LAMA2: variants seen among roughly 807,000 people sequenced by gnomAD.
LAMA2 encodes the protein laminin subunit alpha 2.
Under a neutral mutation model 364.8 loss-of-function variants are expected in LAMA2, and 269 were observed. The observed-to-expected ratio is 0.74, with a 90% confidence interval of 0.67 to 0.82. LAMA2 has a LOEUF of 0.82. Among genes scored for constraint, LAMA2 ranks in the 40% least tolerant of loss-of-function variants. The pLI, the probability that LAMA2 is intolerant of heterozygous loss-of-function variation, is 0.00. For synonymous variants in LAMA2, 1,379 were observed against 1,370.6 expected (o/e 1.01, Z -0.14); for missense variants, 3,807 against 3,873.2 (o/e 0.98, Z 0.45).
At chr6:129,078,112 A>G (rs1773775696) in intron 3 of LAMA2, among the ~76,000 whole-genome samples, 1 of 146,158 alleles carries the variant, frequency 6.8e-6, no homozygotes, top group African/African-American at 2.5e-5. Context: ...GGGGGCAGTG[A>G]GCGTATGGGA....
intron 56 of LAMA2, among the ~76,000 whole-genome samples, chr6:129,487,012 C>A (rs1784622419): frequency 6.6e-6 from 1 of 152,228 alleles, no homozygotes; most frequent in Admixed American, 6.5e-5. Context: ...CTATCTCATT[C>A]AGGTTCCAAA....
chr6:129,280,122 G>A lies in LAMA2; in HGVS notation c.2512G>A (p.Gly838Arg), dbSNP rs150361703. 80 of 1,611,520 alleles carry A rather than the reference G, an allele frequency of 5.0e-5. No homozygotes were observed. In the Middle Eastern group the frequency reaches 9.9e-4, roughly 20 times the overall value. ...ATTGATCTGTGATGGATGCCCTGTC[G>A]GGTACACAGGACCACGCTGTGAGAG... ...LGLICDGCPV[G>R]YTGPRCERCA... is the part of the protein sequence containing the mutation. The change falls in exon 18 of 65, where the codon GGG becomes AGG. Residue 838 changes from glycine to arginine, a missense_variant. By Grantham distance (125) the Gly-to-Arg change is moderately radical. Transcript: ENST00000421865.
intron 10 of LAMA2, among the ~76,000 whole-genome samples, chr6:129,182,896 G>A (rs1361940906): frequency 6.6e-6 from 1 of 151,668 alleles, no homozygotes; most frequent in African/African-American, 2.4e-5. Flanking sequence ...CTTTTTGAAT[G>A]TCTTAATATA....
chr6:128,943,067 A>G (rs1780257425), intron 1 of LAMA2, among the ~76,000 whole-genome samples: 1 of 152,090 alleles, frequency 6.6e-6, no homozygotes, highest in African/African-American at 2.4e-5. Context: ...ATTTTTTAAG[A>G]CATATAGGTT....
At chr6:129,349,483 T>A in intron 31 of LAMA2, 99 bp downstream of exon 31, 1 of 953,740 alleles carries the variant, frequency 1.0e-6, no homozygotes, top group Non-Finnish European at 1.7e-6. Context: ...AACTTCAATA[T>A]TTGCATATCC....
intron 1 of LAMA2, among the ~76,000 whole-genome samples, chr6:128,940,953 C>T (rs1049695998): frequency 5.3e-5 from 8 of 151,926 alleles, no homozygotes; most frequent in Non-Finnish European, 1.2e-4. Flanking sequence ...CCTGTCCCCC[C>T]CAAAATTTTT....
intron 1 of LAMA2, among the ~76,000 whole-genome samples, chr6:128,945,264 A>T (rs1051485218): frequency 2.0e-5 from 3 of 152,178 alleles, no homozygotes; most frequent in African/African-American, 7.2e-5. Flanking sequence ...TCTGTTAAAA[A>T]TTTTTAAAAC....
At chr6:129,327,798 A>C (rs1468837275) in intron 28 of LAMA2, among the ~76,000 whole-genome samples, 1 of 152,084 alleles carries the variant, frequency 6.6e-6, no homozygotes, top group Admixed American at 6.6e-5. Flanking sequence ...ATTATTTTGG[A>C]TTTCTTACTT....
At chr6:129,331,148 C>A (rs540368930) in intron 29 of LAMA2, among the ~76,000 whole-genome samples, 1 of 152,144 alleles carries the variant, frequency 6.6e-6, no homozygotes, top group African/African-American at 2.4e-5. Context: ...AGTGCTGGGA[C>A]TACAGGCGTA....
intron 63 of LAMA2, among the ~76,000 whole-genome samples, chr6:129,512,907 T>A (rs1786717046): frequency 6.6e-6 from 1 of 152,164 alleles, no homozygotes; most frequent in Non-Finnish European, 1.5e-5. Flanking sequence ...AGGCATCTCT[T>A]AGAAGCCAAG....
chr6:128,961,121 G>A lies in LAMA2; in HGVS notation c.112+77764G>A, dbSNP rs373734240. Among the ~76,000 whole-genome samples, 18 of 151,390 alleles carry A rather than the reference G, an allele frequency of 1.2e-4. 1 individual carries two copies. The South Asian group carries it at 3.3e-3, about 28-fold the overall frequency. Reference sequence around the variant, plus strand: ...GGTATTTTCCAATCTTTGTCTGCTAGCATTTTTGTTGAGAACGGAGTATGA... The same window carrying A: ...GGTATTTTCCAATCTTTGTCTGCTAACATTTTTGTTGAGAACGGAGTATGA... On this transcript the variant is annotated intron_variant, in intron 1 of 64. Transcript: ENST00000421865.
At chr6:129,511,190 A>AAAAC (rs1478655251) in intron 62 of LAMA2, among the ~76,000 whole-genome samples, 4 of 152,160 alleles carry the variant, frequency 2.6e-5, no homozygotes, top group Non-Finnish European at 5.9e-5. Context: ...ACTTCACTGG[A>AAAAC]AAACATACAA....
At chr6:129,445,899 G>C (rs1473902805) in intron 45 of LAMA2, 78 bp downstream of exon 45, 1 of 1,400,596 alleles carries the variant, frequency 7.1e-7, no homozygotes, top group East Asian at 2.3e-5. Context: ...CTTTCCCCAG[G>C]ATTCCCCGTT....
chr6:129,115,204 A>C (rs955126570), intron 4 of LAMA2, among the ~76,000 whole-genome samples: 5 of 152,142 alleles, frequency 3.3e-5, no homozygotes, highest in African/African-American at 1.2e-4. Flanking sequence ...CCAATTTTGC[A>C]ACTCTATTTT....
chr6:129,037,688 CGG>C (rs1786743699), intron 1 of LAMA2, among the ~76,000 whole-genome samples: 1 of 141,404 alleles, frequency 7.1e-6, no homozygotes, highest in African/African-American at 2.7e-5. Context: ...TTTTTTGAGA[CGG>C]AGTCTCGCTC....
chr6:129,120,881 G>A (rs996417250), intron 4 of LAMA2, among the ~76,000 whole-genome samples: 1 of 152,182 alleles, frequency 6.6e-6, no homozygotes, highest in Non-Finnish European at 1.5e-5. Flanking sequence ...TGTGTCTAAT[G>A]TCTTCTTCAT....
intron 22 of LAMA2, among the ~76,000 whole-genome samples, chr6:129,303,201 T>C (rs765009577): frequency 2.6e-5 from 4 of 152,178 alleles, no homozygotes; most frequent in Non-Finnish European, 4.4e-5. Context: ...TTTCATATTT[T>C]TTATCAAAAG....
chr6:129,107,252 A>G (rs1775885810), intron 4 of LAMA2, among the ~76,000 whole-genome samples: 1 of 152,182 alleles, frequency 6.6e-6, no homozygotes. Flanking sequence ...TGGTTATAAT[A>G]ACGATCAAAT....
intron 1 of LAMA2, among the ~76,000 whole-genome samples, chr6:128,943,227 G>A (rs935742286): frequency 2.7e-5 from 4 of 149,852 alleles, no homozygotes; most frequent in South Asian, 2.1e-4. Flanking sequence ...ATACATACAC[G>A]CACATATAAA....
Sources: allele counts gnomAD v4.1 joint callset (sites outside exome capture counted in the v4.1 genomes callset), GRCh38; gene constraint gnomAD v4.1.1; transcripts MANE v1.5; gene names NCBI Gene and HGNC (gene_info 2026-07-23, HGNC 2026-07-21).